ATP6V0D1: variants seen among roughly 807,000 people sequenced by gnomAD.
ATP6V0D1 encodes the protein V-type proton ATPase subunit d 1.
Under a neutral mutation model 39.0 loss-of-function variants are expected in ATP6V0D1, and 13 were observed. The observed-to-expected ratio is 0.33, with a 90% confidence interval of 0.22 to 0.53. ATP6V0D1 has a LOEUF of 0.53. ATP6V0D1 is among the 20% of genes least tolerant of loss of function. ATP6V0D1 has a pLI of 0.94. For missense variants in ATP6V0D1, 272 were observed against 470.9 expected, an observed-to-expected ratio of 0.58 and a Z score of 3.91; for synonymous variants, 191 against 191.2, an observed-to-expected ratio of 1.00 and a Z score of 0.01.
Position 67,438,805 on chromosome 16 carries a change from G to T in ATP6V0D1, c.882C>A (p.Phe294Leu), listed in dbSNP as rs765114517. ...CCTGCAGACTCACCTCGTGCTCAAA[G>T]AATCGGTCCTCCAGCGTCTTGTCTC... ...NPGDKTLEDRFFEHEVKLNKL... is the reference protein window; with the variant it reads ...NPGDKTLEDRLFEHEVKLNKL... The change falls in exon 7 of 8, where the codon TTC becomes TTA. Residue 294 changes from phenylalanine (F) to leucine (L), a missense_variant. Physicochemically the swap from Phe to Leu is conservative, Grantham distance 22. Coordinates refer to ENST00000290949, the MANE Select transcript of ATP6V0D1 (RefSeq NM_004691.5). 3 of 1,613,836 alleles carry T rather than the reference G, an allele frequency of 1.9e-6. No homozygotes were observed. The South Asian group carries it at 3.3e-5, about 18-fold the overall frequency.
At position 67,444,566 on chromosome 16, in the gene ATP6V0D1, G is replaced by A. The variant is rs2041092838; in HGVS notation, c.443C>T (p.Ala148Val). ...CACCAGAATGGCATTGTAGAGCTCA[G>A]CAGGTGTCTGAGCAATGTTCACGGC... ...MEAVNIAQTP[A>V]ELYNAILVDT... Residue 148 changes from alanine to valine, a missense_variant, in exon 3 of 8, where the codon GCT (alanine) becomes GTT (valine). By Grantham distance (64) the Ala-to-Val change is moderately conservative. Transcript: ENST00000290949. The surrounding 1 kb of genome is among the most constrained non-coding windows in gnomAD (Gnocchi z 4.8). The A allele has an allele frequency of 6.2e-7, 1 of 1,612,278 alleles. No homozygotes were observed. Among genetic ancestry groups the A allele is most frequent in the Admixed American group, 1.7e-5 (1 of 59,950 alleles).
Position 67,438,632 on chromosome 16 carries a change from A to G in ATP6V0D1, c.952T>C (p.Phe318Leu). The G allele has an allele frequency of 1.9e-6, 3 of 1,614,236 alleles. No individual in the cohort carries two copies. The highest frequency in any genetic ancestry group is 2.5e-6 in the Non-Finnish European group (3 of 1,180,046). The change falls in exon 8 of 8, where the codon TTC becomes CTC. Residue 318 changes from phenylalanine to leucine, a missense_variant. Physicochemically the swap from Phe to Leu is conservative, Grantham distance 22 (BLOSUM62 0). Coordinates refer to ENST00000290949, the MANE Select transcript of ATP6V0D1 (RefSeq NM_004691.5). ...CACTCCTGCTCCTTGAGCTTCACGAAGGCATAGAAGACACCAAAGTGGAAC... is the reference window on the plus strand; with the variant it reads ...CACTCCTGCTCCTTGAGCTTCACGAGGGCATAGAAGACACCAAAGTGGAAC... ...NQFHFGVFYA[F>L]VKLKEQECRN...
At chr16:67,441,842 A>T (rs796307894) in intron 4 of ATP6V0D1, 2 of 152,260 alleles carry the variant, frequency 1.3e-5, no homozygotes, top group South Asian at 2.1e-4. Flanking sequence ...CTCTGGTTTC[A>T]GGCCCTCTAA....
At chr16:67,470,418 G>A (rs2041363296) in intron 1 of ATP6V0D1, among the ~76,000 whole-genome samples, 1 of 152,254 alleles carries the variant, frequency 6.6e-6, no homozygotes, top group Non-Finnish European at 1.5e-5. Flanking sequence ...TCTGGAGGGA[G>A]AGCCCAGCTG....
chr16:67,453,722 C>A lies in ATP6V0D1; in HGVS notation c.131-7G>T. ...TGCAGATGCAGTTTCAAGTCTGAAA[C>A]CCAAGGGTAGGGGGTAAGGGCTAGC... On this transcript the variant is annotated splice_region_variant and splice_polypyrimidine_tract_variant and intron_variant, in intron 1 of 7. Transcript: ENST00000290949. The surrounding 1 kb of genome is among the most constrained non-coding windows in gnomAD (Gnocchi z 4.1). The A allele has an allele frequency of 6.2e-7, 1 of 1,613,444 alleles. No homozygotes were observed. The highest frequency in any genetic ancestry group is 8.5e-7 in the Non-Finnish European group (1 of 1,179,878).
intron 4 of ATP6V0D1, among the ~76,000 whole-genome samples, chr16:67,442,204 G>T (rs2041060938): frequency 6.6e-6 from 1 of 152,260 alleles, no homozygotes; most frequent in African/African-American, 2.4e-5. Flanking sequence ...GCAGGCCTGG[G>T]CTCAGGCTGC....
At chr16:67,475,241 C>G (rs1198806990) in intron 1 of ATP6V0D1, among the ~76,000 whole-genome samples, 3 of 152,374 alleles carry the variant, frequency 2.0e-5, no homozygotes, top group South Asian at 2.1e-4. Context: ...AACCACCCCA[C>G]AGTCTGTGCT....
intron 1 of ATP6V0D1, among the ~76,000 whole-genome samples, chr16:67,464,599 C>A (rs1346650712): frequency 1.3e-5 from 2 of 152,234 alleles, no homozygotes. Flanking sequence ...CTCAGAAGAA[C>A]TGATGACAGC....
At chr16:67,448,381 T>G (rs1291063618) in intron 2 of ATP6V0D1, among the ~76,000 whole-genome samples, 1 of 151,704 alleles carries the variant, frequency 6.6e-6, no homozygotes, top group Non-Finnish European at 1.5e-5. Flanking sequence ...AAGATGAGGG[T>G]GGGTGCTGTG....
At chr16:67,459,022 C>T (rs1314830364) in intron 1 of ATP6V0D1, 17 of 978,200 alleles carry the variant, frequency 1.7e-5, no homozygotes, top group Non-Finnish European at 1.9e-5. Context: ...ACCCAGCAGT[C>T]CATGTAGCCC....
At position 67,438,778 on chromosome 16, in the gene ATP6V0D1, A is replaced by G; in HGVS notation, c.894+15T>C. ...AGGTTGGCCTCCCTCTGACAAGCAGACCCTGCAGACTCACCTCGTGCTCAA... is the reference window on the plus strand; with the variant it reads ...AGGTTGGCCTCCCTCTGACAAGCAGGCCCTGCAGACTCACCTCGTGCTCAA... On this transcript the variant is annotated intron_variant, in intron 7 of 7. Coordinates refer to ENST00000290949, the MANE Select transcript of ATP6V0D1 (RefSeq NM_004691.5). 3.7e-6 allele frequency: 6 copies of G among 1,613,474 alleles called. No homozygotes were observed. Among genetic ancestry groups the G allele is most frequent in the Admixed American group, 1.7e-5 (1 of 59,950 alleles).
intron 1 of ATP6V0D1, among the ~76,000 whole-genome samples, chr16:67,470,630 T>C (rs1597583156): frequency 6.6e-6 from 1 of 152,292 alleles, no homozygotes; most frequent in South Asian, 2.1e-4. Context: ...CACCAGCCAG[T>C]GTACTGGTGA....
At chr16:67,467,576 G>A (rs528026733) in intron 1 of ATP6V0D1, among the ~76,000 whole-genome samples, 2 of 152,150 alleles carry the variant, frequency 1.3e-5, no homozygotes, top group East Asian at 1.9e-4. Context: ...CTAGGACTGC[G>A]CTGTTGAATC....
At chr16:67,473,219 C>T (rs900262228) in intron 1 of ATP6V0D1, among the ~76,000 whole-genome samples, 3 of 152,120 alleles carry the variant, frequency 2.0e-5, no homozygotes, top group Non-Finnish European at 2.9e-5. Flanking sequence ...TAATTTGGGG[C>T]TGGGGGGGGT....
chr16:67,477,815 G>A (rs1167815874), intron 1 of ATP6V0D1, among the ~76,000 whole-genome samples: 1 of 152,034 alleles, frequency 6.6e-6, no homozygotes, highest in Non-Finnish European at 1.5e-5. Context: ...TGGGACTACA[G>A]GCACCCGCCA....
Position 67,443,149 on chromosome 16 carries a change from GCTCT to G in ATP6V0D1, c.507_510del (p.Glu170ArgfsTer6). 1 of 1,613,988 alleles carries G rather than the reference GCTCT, an allele frequency of 6.2e-7. No individual in the cohort carries two copies. Among genetic ancestry groups the G allele is most frequent in the Non-Finnish European group, 8.5e-7 (1 of 1,179,994 alleles). ...TCGATGTTCATCTCGTCAAGGTCCTGCTCTGAAATGCAGTCCTGGAAAAAAGCCG... is the reference window on the plus strand; with the variant it reads ...TCGATGTTCATCTCGTCAAGGTCCTGGAAATGCAGTCCTGGAAAAAAGCCG... On this transcript the variant is annotated frameshift_variant, in exon 4 of 8. Transcript: ENST00000290949. LOFTEE classifies it high-confidence loss of function.
Position 67,450,872 on chromosome 16 carries a change from G to A in ATP6V0D1, c.302+2672C>T, listed in dbSNP as rs1016260526. ...TGGAAGGATCCAAGAGAAAAGGAAG[G>A]GCACTTCTGCCATTGGAATAGGGTT... On this transcript the variant is annotated intron_variant, in intron 2 of 7. Transcript: ENST00000290949. Among the ~76,000 whole-genome samples the A allele has an allele frequency of 2.0e-5, 3 of 152,112 alleles. No homozygotes were observed. In the East Asian group the frequency reaches 5.8e-4, roughly 29 times the overall value.
intron 1 of ATP6V0D1, among the ~76,000 whole-genome samples, chr16:67,466,240 G>A (rs1454395995): frequency 6.6e-6 from 1 of 151,664 alleles, no homozygotes; most frequent in Admixed American, 6.6e-5. Flanking sequence ...CAGCACTTTG[G>A]GAGGCCAAGA....
chr16:67,440,545 C>T (rs1300243754), intron 4 of ATP6V0D1: 2 of 152,280 alleles, frequency 1.3e-5, no homozygotes, highest in Non-Finnish European at 2.9e-5. Context: ...AGAGACTATT[C>T]TTCTAGATTG....
Sources: allele counts gnomAD v4.1 joint callset (sites outside exome capture counted in the v4.1 genomes callset), GRCh38; gene constraint gnomAD v4.1.1; non-coding constraint Gnocchi (gnomAD v3.1); transcripts MANE v1.5; gene names NCBI Gene and HGNC (gene_info 2026-07-23, HGNC 2026-07-21).